The following OXR1 variants were observed in gnomAD, a reference collection of about 807,000 sequenced individuals.
OXR1 encodes the protein oxidation resistance protein 1.
A neutral mutation model predicts 104.6 loss-of-function variants in OXR1; 41 were observed. The ratio of observed to expected loss-of-function variants is 0.39; its 90% CI spans 0.31 to 0.51. The LOEUF (loss-of-function observed/expected upper bound fraction) is 0.51, where lower values mean the gene tolerates loss of function less well. Ranked by LOEUF, OXR1 falls within the 20% of genes least tolerant of loss-of-function variation. The pLI, the probability that OXR1 is intolerant of heterozygous loss-of-function variation, is 0.77. For synonymous variants in OXR1, 348 were observed against 348.4 expected, an observed-to-expected ratio of 1.00 and a Z score of 0.01; for missense variants, 955 against 1,031.9, an observed-to-expected ratio of 0.93 and a Z score of 1.02.
chr8:106,610,642 G>A (rs1281550964), intron 3 of OXR1, among the ~76,000 whole-genome samples: 3 of 152,138 alleles, frequency 2.0e-5, no homozygotes, highest in Admixed American at 1.3e-4. Context: ...CTCTGCCCAT[G>A]CTAGTCTCTC....
chr8:106,327,960 T>C (rs1330970637), intron 1 of OXR1, among the ~76,000 whole-genome samples: 1 of 152,218 alleles, frequency 6.6e-6, no homozygotes, highest in African/African-American at 2.4e-5. Flanking sequence ...ATTCAAATTA[T>C]TGTATTTTAA....
intron 7 of OXR1, among the ~76,000 whole-genome samples, chr8:106,700,124 T>C (rs1011810743): frequency 6.6e-6 from 1 of 152,200 alleles, no homozygotes; most frequent in Non-Finnish European, 1.5e-5. Context: ...AAATGGAAGT[T>C]GTTAATACAA....
At chr8:106,420,043 C>T (rs181932557) in intron 2 of OXR1, among the ~76,000 whole-genome samples, 28 of 152,056 alleles carry the variant, frequency 1.8e-4, no homozygotes, top group Admixed American at 1.4e-3. Context: ...ATAACTTGTG[C>T]TCAAAAATAC....
At chr8:106,423,526 A>C (rs990323172) in intron 2 of OXR1, among the ~76,000 whole-genome samples, 1 of 152,200 alleles carries the variant, frequency 6.6e-6, no homozygotes, top group Non-Finnish European at 1.5e-5. Context: ...TAAATTAGCT[A>C]ATCCAAAGAT....
intron 3 of OXR1, among the ~76,000 whole-genome samples, chr8:106,576,791 G>A (rs1817871971): frequency 6.6e-6 from 1 of 152,134 alleles, no homozygotes; most frequent in Non-Finnish European, 1.5e-5. Context: ...CACATATTTA[G>A]TGTGCTCATG....
At chr8:106,577,192 G>T (rs939028502) in intron 3 of OXR1, among the ~76,000 whole-genome samples, 1 of 149,790 alleles carries the variant, frequency 6.7e-6, no homozygotes, top group Non-Finnish European at 1.5e-5. Flanking sequence ...AAAGCTATCC[G>T]TTTTTTTTGT....
intron 3 of OXR1, among the ~76,000 whole-genome samples, chr8:106,519,368 C>G (rs571918424): frequency 1.1e-4 from 17 of 152,268 alleles, no homozygotes; most frequent in African/African-American, 4.1e-4. Context: ...ATATCCTAAC[C>G]TAGGGGAAGT....
intron 12 of OXR1, 149 bp downstream of exon 12, chr8:106,737,749 C>G (rs551664396): frequency 2.5e-6 from 1 of 398,908 alleles, no homozygotes; most frequent in Non-Finnish European, 4.4e-6. Flanking sequence ...ATAGTATTGC[C>G]GTGAAGAGCT....
At chr8:106,731,223 A>G (rs1264215431) in intron 11 of OXR1, among the ~76,000 whole-genome samples, 1 of 152,166 alleles carries the variant, frequency 6.6e-6, no homozygotes, top group Non-Finnish European at 1.5e-5. Context: ...GTTGTTTGAT[A>G]TCTTACTGTT....
intron 1 of OXR1, among the ~76,000 whole-genome samples, chr8:106,316,063 AT>A (rs1332765468): frequency 1.3e-5 from 2 of 152,206 alleles, no homozygotes; most frequent in Non-Finnish European, 2.9e-5. Context: ...TTTTTGTCAA[AT>A]AAAAAACTGT....
chr8:106,462,903 A>G (rs1488685579), intron 2 of OXR1, among the ~76,000 whole-genome samples: 3 of 152,156 alleles, frequency 2.0e-5, no homozygotes, highest in African/African-American at 7.2e-5. Context: ...CAGTAATAGT[A>G]AGTGAAACCA....
At chr8:106,310,988 G>C (rs1189934769) in intron 1 of OXR1, among the ~76,000 whole-genome samples, 3 of 151,824 alleles carry the variant, frequency 2.0e-5, no homozygotes, top group Non-Finnish European at 4.4e-5. Context: ...GTATTTTCTG[G>C]AATATTGTCT....
At chr8:106,511,738 A>G (rs965645140) in intron 2 of OXR1, among the ~76,000 whole-genome samples, 1 of 152,224 alleles carries the variant, frequency 6.6e-6, no homozygotes, top group South Asian at 2.1e-4. Context: ...GAATACCATT[A>G]TTGTAGATAA....
intron 1 of OXR1, among the ~76,000 whole-genome samples, chr8:106,310,560 G>T (rs1813658529): frequency 3.9e-5 from 6 of 152,004 alleles, no homozygotes; most frequent in Admixed American, 3.3e-4. Flanking sequence ...TTTTAGTCAG[G>T]CATATCCTCT....
intron 2 of OXR1, among the ~76,000 whole-genome samples, chr8:106,395,994 T>C (rs969326686): frequency 6.6e-6 from 1 of 152,016 alleles, no homozygotes; most frequent in African/African-American, 2.4e-5. Context: ...CTGGAACCAT[T>C]AAAGCAGCAA....
chr8:106,578,439 A>G (rs1170757806), intron 3 of OXR1, among the ~76,000 whole-genome samples: 1 of 152,236 alleles, frequency 6.6e-6, no homozygotes, highest in Non-Finnish European at 1.5e-5. Flanking sequence ...ATTCCTGTGT[A>G]TAAGTTAACA....
At chr8:106,512,520 C>T (rs1812602245) in intron 2 of OXR1, among the ~76,000 whole-genome samples, 2 of 152,054 alleles carry the variant, frequency 1.3e-5, no homozygotes, top group Non-Finnish European at 2.9e-5. Flanking sequence ...AATCCAGGCA[C>T]AATTTGAATT....
chr8:106,436,956 C>T (rs1362384389), intron 2 of OXR1, among the ~76,000 whole-genome samples: 3 of 152,054 alleles, frequency 2.0e-5, no homozygotes, highest in East Asian at 3.9e-4. Flanking sequence ...TTGTACCTTC[C>T]CCAAAAAGAA....
chr8:106,592,606 G>A (rs1382039765), intron 3 of OXR1, among the ~76,000 whole-genome samples: 6 of 152,126 alleles, frequency 3.9e-5, no homozygotes, highest in African/African-American at 1.4e-4. Flanking sequence ...AAGATCTAAG[G>A]GAAGAGCAAG....
Sources: allele counts gnomAD v4.1 joint callset (sites outside exome capture counted in the v4.1 genomes callset), GRCh38; gene constraint gnomAD v4.1.1; transcripts MANE v1.5; gene names NCBI Gene and HGNC (gene_info 2026-07-23, HGNC 2026-07-21).